FAM13C: variants seen among roughly 807,000 people sequenced by gnomAD.
FAM13C encodes the protein family with sequence similarity 13 member C, also known as protein FAM13C.
A neutral mutation model predicts 73.2 loss-of-function variants in FAM13C; 37 were observed. The ratio of observed to expected loss-of-function variants is 0.51; its 90% confidence interval spans 0.39 to 0.67. FAM13C has a LOEUF of 0.67. Ranked by LOEUF, FAM13C falls within the 30% of genes least tolerant of loss-of-function variation. The pLI is 0.00. For missense variants in FAM13C, 589 were observed against 715.6 expected (o/e 0.82, Z 2.02); for synonymous variants, 246 against 260.9 (o/e 0.94, Z 0.55).
chr10:59,351,159 G>A (rs554088949), intron 3 of FAM13C, among the ~76,000 whole-genome samples: 142 of 151,928 alleles, frequency 9.3e-4, no homozygotes, highest in Admixed American at 1.5e-3. Context: ...GTGAAACCCC[G>A]TCTCTACAAA....
intron 3 of FAM13C, among the ~76,000 whole-genome samples, chr10:59,341,426 G>C (rs558673639): frequency 2.6e-4 from 39 of 152,130 alleles, no homozygotes; most frequent in African/African-American, 8.2e-4. Context: ...AGTGGCTCAC[G>C]CCTGTAATCC....
intron 4 of FAM13C, among the ~76,000 whole-genome samples, chr10:59,314,484 G>T (rs899743141): frequency 6.6e-6 from 1 of 152,220 alleles, no homozygotes; most frequent in South Asian, 2.1e-4. Context: ...ATACTGCCAA[G>T]GCCTTTCCTC....
At chr10:59,272,573 A>G (rs1363618780) in intron 6 of FAM13C, among the ~76,000 whole-genome samples, 1 of 152,136 alleles carries the variant, frequency 6.6e-6, no homozygotes, top group African/African-American at 2.4e-5. Flanking sequence ...CTAGGGGCAC[A>G]TTACTTTCTA....
rs147745117 is a variant in FAM13C, at chr10:59,328,673, T to C, written c.325-4567A>G. 2.3e-3 allele frequency among the ~76,000 whole-genome samples: 357 copies of C among 152,290 alleles called. 1 individual carries two copies. The highest frequency in any genetic ancestry group is 5.9e-3 in the African/African-American group (244 of 41,558). On this transcript the variant is annotated intron_variant, in intron 3 of 13. Transcript: ENST00000618804. ...ACATCAAATGTTCATCTTCTCATACTTGAGGTTTTCTCTGTGTCCACTCTC... is the reference window on the plus strand; with the variant it reads ...ACATCAAATGTTCATCTTCTCATACCTGAGGTTTTCTCTGTGTCCACTCTC...
At chr10:59,324,134 G>A (rs956699294) in intron 3 of FAM13C, 28 bp from the exon 4 acceptor site, 27 of 1,575,642 alleles carry the variant, frequency 1.7e-5, no homozygotes, top group Non-Finnish European at 2.3e-5. Flanking sequence ...AAAAGTAGAT[G>A]AGCTGTCAAC....
intron 5 of FAM13C, among the ~76,000 whole-genome samples, chr10:59,292,175 C>T (rs1036736594): frequency 3.3e-5 from 5 of 152,186 alleles, no homozygotes; most frequent in African/African-American, 1.2e-4. Flanking sequence ...TCACTTACAA[C>T]TCATGGAATG....
intron 6 of FAM13C, 136 bp downstream of exon 6, chr10:59,283,227 C>T (rs1313718800): frequency 1.0e-5 from 9 of 888,512 alleles, no homozygotes; most frequent in African/African-American, 3.3e-5. Context: ...TCCTGGGCAA[C>T]TCAGAAGCAC....
At chr10:59,303,416 T>C (rs1280993165) in intron 4 of FAM13C, among the ~76,000 whole-genome samples, 1 of 152,238 alleles carries the variant, frequency 6.6e-6, no homozygotes, top group Non-Finnish European at 1.5e-5. Flanking sequence ...GAGGTATTGA[T>C]TATGTTTATT....
intron 2 of FAM13C, among the ~76,000 whole-genome samples, chr10:59,355,355 G>A (rs898247554): frequency 2.0e-5 from 3 of 152,130 alleles, no homozygotes; most frequent in Non-Finnish European, 4.4e-5. Flanking sequence ...ATAGTGCTAC[G>A]TTATCTTGGA....
At chr10:59,306,829 G>C (rs891731248) in intron 4 of FAM13C, among the ~76,000 whole-genome samples, 3 of 152,206 alleles carry the variant, frequency 2.0e-5, no homozygotes, top group Non-Finnish European at 4.4e-5. Flanking sequence ...AGCTGAGATC[G>C]TGCCACTGCA....
At chr10:59,310,607 G>A (rs748879455) in intron 4 of FAM13C, among the ~76,000 whole-genome samples, 1 of 151,916 alleles carries the variant, frequency 6.6e-6, no homozygotes, top group South Asian at 2.1e-4. Flanking sequence ...ATTATTCCCC[G>A]AGAGACTACT....
chr10:59,327,329 A>G (rs1044269680), intron 3 of FAM13C, among the ~76,000 whole-genome samples: 2 of 152,234 alleles, frequency 1.3e-5, no homozygotes, highest in Admixed American at 1.3e-4. Flanking sequence ...TCATTTATTC[A>G]TAAAGTTATA....
chr10:59,296,582 A>C (rs1846951074), intron 5 of FAM13C, among the ~76,000 whole-genome samples: 1 of 152,234 alleles, frequency 6.6e-6, no homozygotes, highest in Admixed American at 6.5e-5. Context: ...TATAGATCCA[A>C]GGTTAAACTT....
chr10:59,321,753 CT>C (rs1199045998), intron 4 of FAM13C, among the ~76,000 whole-genome samples: 1 of 152,090 alleles, frequency 6.6e-6, no homozygotes, highest in Non-Finnish European at 1.5e-5. Flanking sequence ...CCTCAATCCG[CT>C]CCAAAATCTC....
chr10:59,298,740 CA>C (rs1847212071), intron 5 of FAM13C, among the ~76,000 whole-genome samples: 3 of 152,172 alleles, frequency 2.0e-5, no homozygotes, highest in Admixed American at 2.0e-4. Flanking sequence ...GTGGGTTGGC[CA>C]GGAGGAGGCC....
intron 6 of FAM13C, among the ~76,000 whole-genome samples, chr10:59,272,657 C>T (rs977459049): frequency 1.3e-5 from 2 of 152,142 alleles, no homozygotes; most frequent in Non-Finnish European, 2.9e-5. Flanking sequence ...GTCTGGGAGC[C>T]GGGAGTTTGG....
At chr10:59,356,076 T>C in intron 1 of FAM13C, 133 bp from the exon 2 acceptor site, 1 of 808,582 alleles carries the variant, frequency 1.2e-6, no homozygotes, top group Non-Finnish European at 2.1e-6. Flanking sequence ...CTCTCCCAAA[T>C]AAGTTCTGAT....
At chr10:59,257,436 T>A (rs1408112191) in intron 10 of FAM13C, among the ~76,000 whole-genome samples, 1 of 152,114 alleles carries the variant, frequency 6.6e-6, no homozygotes, top group Admixed American at 6.6e-5. Context: ...CGCATGGGAG[T>A]GGTGCCATGT....
At chr10:59,316,668 G>A (rs913844394) in intron 4 of FAM13C, among the ~76,000 whole-genome samples, 4 of 152,124 alleles carry the variant, frequency 2.6e-5, no homozygotes, top group Admixed American at 2.0e-4. Context: ...GAATACTGTA[G>A]ACAACTGTAA....
Sources: allele counts gnomAD v4.1 joint callset (sites outside exome capture counted in the v4.1 genomes callset), GRCh38; gene constraint gnomAD v4.1.1; transcripts MANE v1.5; gene names NCBI Gene and HGNC (gene_info 2026-07-23, HGNC 2026-07-21).